Variants in AK9 observed in about 807,000 individuals in gnomAD.
AK9 encodes adenylate kinase domain containing 1.
A neutral mutation model predicts 239.6 loss-of-function variants in AK9; 191 were observed. The ratio of observed to expected loss-of-function variants is 0.80; its 90% CI spans 0.71 to 0.90. The LOEUF is 0.90. Among genes scored for constraint, AK9 ranks in the 40% least tolerant of loss-of-function variants. The pLI, the probability that AK9 is intolerant of heterozygous loss-of-function variation, is 0.00. For synonymous variants in AK9, 689 were observed against 721.0 expected (o/e 0.96, Z 0.71); for missense variants, 1,995 against 2,214.7 (o/e 0.90, Z 1.99).
intron 7 of AK9, among the ~76,000 whole-genome samples, chr6:109,658,750 TAAATA>T (rs1185172384): frequency 1.3e-5 from 2 of 152,132 alleles, no homozygotes; most frequent in Non-Finnish European, 2.9e-5. Flanking sequence ...TATATTCAAT[TAAATA>T]AAATACATTA....
intron 17 of AK9, among the ~76,000 whole-genome samples, chr6:109,608,149 T>C (rs866378511): frequency 6.6e-6 from 1 of 151,826 alleles, no homozygotes; most frequent in Admixed American, 6.6e-5. Context: ...CATGGTGGCA[T>C]ACACCTGCAG....
At chr6:109,544,147 G>T (rs1783230644) in intron 26 of AK9, among the ~76,000 whole-genome samples, 1 of 151,988 alleles carries the variant, frequency 6.6e-6, no homozygotes, top group Non-Finnish European at 1.5e-5. Flanking sequence ...GTCTGATCAG[G>T]TACTTCATTA....
At chr6:109,635,433 A>C (rs773211810) in intron 10 of AK9, among the ~76,000 whole-genome samples, 5 of 152,190 alleles carry the variant, frequency 3.3e-5, no homozygotes, top group Non-Finnish European at 7.3e-5. Flanking sequence ...ACTGGTTGGA[A>C]ATCTTTGAAA....
intron 20 of AK9, among the ~76,000 whole-genome samples, chr6:109,576,396 G>T (rs1185641673): frequency 1.4e-5 from 2 of 141,664 alleles, no homozygotes; most frequent in East Asian, 2.1e-4. Flanking sequence ...CACCTCCTTG[G>T]TTAGGTGTAT....
chr6:109,620,268 C>G, intron 12 of AK9, among the ~76,000 whole-genome samples: 1 of 152,102 alleles, frequency 6.6e-6, no homozygotes, highest in East Asian at 1.9e-4. Flanking sequence ...TTTTACATCT[C>G]TACCAGAAAG....
intron 12 of AK9, among the ~76,000 whole-genome samples, chr6:109,621,913 CAAAAA>C (rs758683676): frequency 0.35 from 24,492 of 70,514 alleles, 2,772 homozygotes; most frequent in South Asian, 0.53. Context: ...AAAAAAAAAA[CAAAAA>C]AAAAACAGAA....
At chr6:109,511,503 T>C (rs2128110148) in intron 32 of AK9, among the ~76,000 whole-genome samples, 1 of 152,354 alleles carries the variant, frequency 6.6e-6, no homozygotes, top group African/African-American at 2.4e-5. Flanking sequence ...ATGTTGCCAC[T>C]GGCTGAAAGA....
intron 17 of AK9, among the ~76,000 whole-genome samples, chr6:109,602,882 T>C (rs941950453): frequency 2.6e-5 from 4 of 152,226 alleles, no homozygotes; most frequent in East Asian, 1.9e-4. Context: ...GAAGCTTGTG[T>C]ATTCGTCACG....
At chr6:109,559,573 C>A (rs1264399591) in intron 24 of AK9, among the ~76,000 whole-genome samples, 3 of 152,184 alleles carry the variant, frequency 2.0e-5, no homozygotes, top group Non-Finnish European at 4.4e-5. Flanking sequence ...TTTATCCCTT[C>A]ATATTACATA....
At chr6:109,681,292 A>C (rs866583313) in intron 1 of AK9, among the ~76,000 whole-genome samples, 10 of 152,338 alleles carry the variant, frequency 6.6e-5, no homozygotes, top group Non-Finnish European at 1.5e-4. Flanking sequence ...CAGGAGTTGC[A>C]ATCCTAATCT....
At chr6:109,680,699 C>T (rs967761105) in intron 1 of AK9, among the ~76,000 whole-genome samples, 5 of 152,062 alleles carry the variant, frequency 3.3e-5, no homozygotes, top group African/African-American at 1.2e-4. Context: ...TAAGGGTAGC[C>T]AGAGAAAAAG....
intron 3 of AK9, among the ~76,000 whole-genome samples, chr6:109,673,988 A>T (rs1230039087): frequency 6.6e-6 from 1 of 151,692 alleles, no homozygotes; most frequent in East Asian, 1.9e-4. Flanking sequence ...AAAAATAATA[A>T]TTAATTAAAT....
At chr6:109,683,268 T>C (rs1311206136) in intron 1 of AK9, among the ~76,000 whole-genome samples, 1 of 152,150 alleles carries the variant, frequency 6.6e-6, no homozygotes, top group Non-Finnish European at 1.5e-5. Context: ...AAGAGCTATT[T>C]ATGACAAGCC....
chr6:109,593,325 A>T (rs992535808), intron 17 of AK9, among the ~76,000 whole-genome samples: 3 of 152,116 alleles, frequency 2.0e-5, no homozygotes, highest in Admixed American at 2.0e-4. Context: ...GGAAAAGTCA[A>T]GTCCCTGAAC....
intron 18 of AK9, 32 bp downstream of exon 18, chr6:109,585,884 C>A: frequency 6.6e-7 from 1 of 1,519,536 alleles, no homozygotes. Context: ...CAAAACTTCA[C>A]TTTCAAATTT....
chr6:109,605,629 G>C, intron 17 of AK9, among the ~76,000 whole-genome samples: 1 of 152,140 alleles, frequency 6.6e-6, no homozygotes. Flanking sequence ...AATGAAACAT[G>C]ATGGGCATCT....
intron 12 of AK9, among the ~76,000 whole-genome samples, chr6:109,627,567 G>A (rs906386401): frequency 3.9e-5 from 6 of 152,102 alleles, no homozygotes; most frequent in African/African-American, 1.4e-4. Flanking sequence ...ACTTCACTAG[G>A]CGATGAGAAA....
chr6:109,509,116 G>A (rs41288570), intron 33 of AK9, 63 bp downstream of exon 33: 50,847 of 1,452,632 alleles, frequency 0.035, 1,013 homozygotes, highest in Non-Finnish European at 0.038. Context: ...TTTAAATCAC[G>A]AGCGAGCAGT....
intron 1 of AK9, among the ~76,000 whole-genome samples, chr6:109,682,667 T>C (rs1373227937): frequency 6.6e-6 from 1 of 152,104 alleles, no homozygotes; most frequent in Non-Finnish European, 1.5e-5. Context: ...GATAAATACC[T>C]GGACACATAC....
Sources: gnomAD v4.1 joint callset for allele counts (sites outside exome capture counted in the v4.1 genomes callset) on GRCh38, gnomAD v4.1.1 for gene constraint, MANE v1.5 for transcripts, NCBI Gene and HGNC (gene_info 2026-07-23, HGNC 2026-07-21) for gene names.